SV2B: variants seen among roughly 807,000 people sequenced by gnomAD.
SV2B encodes the protein solute carrier family 22 member B2.
In SV2B, 41 loss-of-function variants were observed where a neutral mutation model predicts 73.9. The ratio of observed to expected loss-of-function variants is 0.56; its 90% CI spans 0.43 to 0.72. The LOEUF (loss-of-function observed/expected upper bound fraction) is 0.72, where lower values mean the gene tolerates loss of function less well. Among genes scored for constraint, SV2B ranks in the 30% least tolerant of loss-of-function variants. The pLI, the probability that SV2B is intolerant of heterozygous loss-of-function variation, is 0.00. For synonymous variants in SV2B, 314 were observed against 314.2 expected (o/e 1.00, Z 0.01); for missense variants, 764 against 857.8 (o/e 0.89, Z 1.37).
intron 1 of SV2B, among the ~76,000 whole-genome samples, chr15:91,195,875 T>C (rs1286714668): frequency 1.3e-5 from 2 of 152,198 alleles, no homozygotes; most frequent in African/African-American, 2.4e-5. Context: ...AGTGTGTTGT[T>C]ATTACTATCT....
intron 9 of SV2B, among the ~76,000 whole-genome samples, chr15:91,276,185 A>G (rs1485858418): frequency 6.6e-6 from 1 of 151,600 alleles, no homozygotes; most frequent in African/African-American, 2.4e-5. Context: ...TTTGTATGTA[A>G]CATGATTTTT....
At chr15:91,119,882 A>C (rs780556709) in intron 1 of SV2B, among the ~76,000 whole-genome samples, 1 of 152,224 alleles carries the variant, frequency 6.6e-6, no homozygotes, top group Non-Finnish European at 1.5e-5. Context: ...GTCCCCTTCT[A>C]AACATTGTTT....
chr15:91,158,639 CTCTTCTCT>C (rs1412388637), intron 1 of SV2B, among the ~76,000 whole-genome samples: 1 of 31,860 alleles, frequency 3.1e-5, no homozygotes, highest in African/African-American at 1.9e-4. Context: ...TTTCCCTCTT[CTCTTCTCT>C]TCTCTTCTCT....
In SV2B at chr15:91,130,724, G is replaced by A. The variant is rs1051864347; in HGVS notation, c.-392+30361G>A. Among the ~76,000 whole-genome samples the A allele has an allele frequency of 6.6e-6, 1 of 152,176 alleles. No homozygotes were observed. ...GAGAAGAAGAGCTGCAGTCCTGGGG[G>A]CAAAGAGGGGAGTGTGTGGCGGTGC... is the stretch of plus-strand genomic sequence containing the variant. On this transcript the variant is annotated intron_variant, in intron 1 of 12. Transcript: ENST00000394232. The surrounding 1 kb of genome is among the most constrained non-coding windows in gnomAD (Gnocchi z 5.6).
intron 1 of SV2B, among the ~76,000 whole-genome samples, chr15:91,134,833 T>G (rs926605164): frequency 1.3e-5 from 2 of 152,106 alleles, no homozygotes; most frequent in Non-Finnish European, 2.9e-5. Flanking sequence ...AAAAAATCAT[T>G]TCTAGGCTTC....
intron 6 of SV2B, among the ~76,000 whole-genome samples, chr15:91,263,975 C>T (rs546436987): frequency 3.0e-4 from 45 of 152,368 alleles, no homozygotes; most frequent in South Asian, 2.1e-4. Flanking sequence ...CCCCATGCCT[C>T]GAGCAGTTAT....
At chr15:91,206,388 C>T (rs1200410230) in intron 1 of SV2B, among the ~76,000 whole-genome samples, 1 of 152,066 alleles carries the variant, frequency 6.6e-6, no homozygotes, top group African/African-American at 2.4e-5. Flanking sequence ...CCAGCAGGTT[C>T]TCCATGTATA....
In SV2B at chr15:91,109,407, G is replaced by A. The variant is rs532941657; in HGVS notation, c.-392+9044G>A. ...CCCCAGGTGATATGTGTGTGGGCAG[G>A]AGCTCTAGGCTCCCAAAACTCACCT... On this transcript the variant is annotated intron_variant, in intron 1 of 12. Coordinates refer to ENST00000394232, the MANE Select transcript of SV2B (RefSeq NM_001323032.3). Among the ~76,000 whole-genome samples the A allele has an allele frequency of 3.1e-4, 47 of 152,314 alleles. 1 individual carries two copies. The highest frequency in any genetic ancestry group is 6.6e-4 in the Non-Finnish European group (45 of 68,036).
chr15:91,150,508 C>T (rs2141215821), intron 1 of SV2B, among the ~76,000 whole-genome samples: 1 of 152,306 alleles, frequency 6.6e-6, no homozygotes, highest in Admixed American at 6.5e-5. Context: ...TAAAACTTGG[C>T]TCTCTTTTGT....
At chr15:91,114,047 T>G (rs1596418545) in intron 1 of SV2B, among the ~76,000 whole-genome samples, 1 of 151,936 alleles carries the variant, frequency 6.6e-6, no homozygotes, top group East Asian at 1.9e-4. Context: ...TTTCCAAACT[T>G]AAAGTGCCTT....
Position 91,226,113 on chromosome 15 carries a change from G to T in SV2B, c.-151G>T. 1.4e-6 allele frequency: 1 copy of T among 719,796 alleles called. No individual in the cohort carries two copies. Among genetic ancestry groups the T allele is most frequent in the Non-Finnish European group, 2.2e-6 (1 of 445,214 alleles). 44.6% of individuals were successfully genotyped at this position (719,796 alleles called of 1,614,324 possible). On this transcript the variant is annotated 5_prime_UTR_variant, in exon 2 of 13. Coordinates refer to ENST00000394232, the MANE Select transcript of SV2B (RefSeq NM_001323032.3). The stretch of plus-strand genomic sequence containing the variant: ...GTTGATTTGAGAGATAAAGGGGGGG[G>T]GAACCAGTGTGACTTTCACCTAAGA...
chr15:91,209,906 A>G (rs543211248), intron 1 of SV2B, among the ~76,000 whole-genome samples: 1 of 152,336 alleles, frequency 6.6e-6, no homozygotes, highest in South Asian at 2.1e-4. Context: ...ACTAGGCTTT[A>G]GCACTAAATA....
rs1376693504 is a variant in SV2B at position 91,258,147 on chromosome 15, G to T, written c.785-274G>T. ...AAATGTCAGGCCAGGCCTGGACCTG[G>T]GGATTTGTCAGAATGCAGAATTCCT... On this transcript the variant is annotated intron_variant, in intron 4 of 12. Transcript: ENST00000394232. The surrounding 1 kb of genome is among the most constrained non-coding windows in gnomAD (Gnocchi z 4.7). 6.6e-6 allele frequency among the ~76,000 whole-genome samples: 1 copy of T among 152,174 alleles called. No individual in the cohort carries two copies. The highest frequency in any genetic ancestry group is 2.4e-5 in the African/African-American group (1 of 41,426).
At chr15:91,264,402 A>G (rs2048030450) in intron 6 of SV2B, among the ~76,000 whole-genome samples, 3 of 152,236 alleles carry the variant, frequency 2.0e-5, no homozygotes, top group African/African-American at 7.2e-5. Context: ...AAGGAGCACG[A>G]GGGAGAGGCT....
At chr15:91,178,930 G>T (rs2044438072) in intron 1 of SV2B, among the ~76,000 whole-genome samples, 1 of 150,272 alleles carries the variant, frequency 6.7e-6, no homozygotes, top group Non-Finnish European at 1.5e-5. Flanking sequence ...CTTGCCTTCT[G>T]CTAGCTTTTG....
At chr15:91,255,210 A>T (rs1338554748) in intron 4 of SV2B, among the ~76,000 whole-genome samples, 2 of 152,204 alleles carry the variant, frequency 1.3e-5, no homozygotes, top group Non-Finnish European at 2.9e-5. Context: ...GGAAAGCAAT[A>T]AAAGAATTCA....
At position 91,261,284 on chromosome 15, in the gene SV2B, A is replaced by G. The variant is rs964293112; in HGVS notation, c.1008+875A>G. Among the ~76,000 whole-genome samples the G allele has an allele frequency of 2.0e-5, 3 of 152,150 alleles. No individual in the cohort carries two copies. The highest frequency in any genetic ancestry group is 4.8e-5 in the African/African-American group (2 of 41,420). Reference sequence around the variant, plus strand: ...TCTGAAAAAAAAAGATAACAGAAATAAACAGATTTCTCTGGGGATAAGCAT... The same window carrying G: ...TCTGAAAAAAAAAGATAACAGAAATGAACAGATTTCTCTGGGGATAAGCAT... On this transcript the variant is annotated intron_variant, in intron 6 of 12. Transcript: ENST00000394232. The surrounding 1 kb of genome is among the most constrained non-coding windows in gnomAD (Gnocchi z 4.7).
At position 91,298,573 on chromosome 15, in the gene SV2B, G is replaced by C. The variant is rs1032134627; in HGVS notation, c.*6021G>C. On this transcript the variant is annotated 3_prime_UTR_variant, in exon 13 of 13. Coordinates refer to ENST00000394232, the MANE Select transcript of SV2B (RefSeq NM_001323032.3). This position sits in a 1 kb window ranked among gnomAD's most constrained non-coding sequence, Gnocchi z 5.4. ...ATTGCTAATTACAGAATGAGCAAGA[G>C]ATTTATTTAGCAGGACCATACTATG... 1 of 152,198 alleles carries C rather than the reference G, an allele frequency of 6.6e-6. No homozygotes were observed. Among genetic ancestry groups the C allele is most frequent in the African/African-American group, 2.4e-5 (1 of 41,440 alleles). 9.4% of individuals were successfully genotyped at this position (152,198 alleles called of 1,614,324 possible).
rs915859897 is a variant in SV2B at position 91,223,975 on chromosome 15, G to A, written c.-391-1898G>A. ...CTGGAATTGGCATTTCTGTTGAGCC[G>A]CCCACGTTCTGAGTGGTGCTTCACC... On this transcript the variant is annotated intron_variant, in intron 1 of 12. Coordinates refer to ENST00000394232, the MANE Select transcript of SV2B (RefSeq NM_001323032.3). The surrounding 1 kb of genome is among the most constrained non-coding windows in gnomAD (Gnocchi z 4.6). 2.6e-5 allele frequency among the ~76,000 whole-genome samples: 4 copies of A among 152,170 alleles called. No individual in the cohort carries two copies. The highest frequency in any genetic ancestry group is 7.2e-5 in the African/African-American group (3 of 41,446).
Sources: gnomAD v4.1 joint callset for allele counts (sites outside exome capture counted in the v4.1 genomes callset) on GRCh38, gnomAD v4.1.1 for gene constraint, Gnocchi (gnomAD v3.1) non-coding constraint, MANE v1.5 for transcripts, NCBI Gene and HGNC (gene_info 2026-07-23, HGNC 2026-07-21) for gene names.